Variants in LINGO3 observed in about 807,000 individuals in gnomAD.
LINGO3 encodes leucine-rich repeat and immunoglobulin-like domain-containing nogo receptor-interacting protein 3.
For missense variants in LINGO3, 750 were observed against 867.7 expected (o/e 0.86, Z 1.70); for synonymous variants, 427 against 444.2 (o/e 0.96, Z 0.49).
chr19:2,292,399 C>CAAAAAAAAAAA (rs1156254881), upstream of LINGO3, among the ~76,000 whole-genome samples: 1 of 42,592 alleles, frequency 2.3e-5, no homozygotes, highest in Admixed American at 2.7e-4. Flanking sequence ...AACCCTGTCT[C>CAAAAAAAAAAA]AAAAAAAAAA....
exon 1 of LINGO3, chr19:2,291,406 C>T (rs769458369): frequency 6.2e-7 from 1 of 1,613,408 alleles, no homozygotes; most frequent in Non-Finnish European, 8.5e-7. Flanking sequence ...GTTGTCCAGG[C>T]GCGTGAAGAC....
At chr19:2,288,260 G>A (rs117924443), downstream of LINGO3, among the ~76,000 whole-genome samples, 35 of 152,254 alleles carry the variant, frequency 2.3e-4, no homozygotes, top group East Asian at 6.2e-3. The surrounding 1 kb of genome is among the most constrained non-coding windows in gnomAD (Gnocchi z 6.5). Context: ...ACCTTCTCCC[G>A]AGGACCCGGG....
the LINGO3 span, among the ~76,000 whole-genome samples, chr19:2,297,617 T>C: frequency 6.6e-6 from 1 of 150,412 alleles, no homozygotes; most frequent in African/African-American, 2.4e-5. Flanking sequence ...TTTTTTTTTT[T>C]TTTTGAAATG....
At chr19:2,292,247 G>GT (rs1405372989), upstream of LINGO3, among the ~76,000 whole-genome samples, 1 of 150,030 alleles carries the variant, frequency 6.7e-6, no homozygotes, top group African/African-American at 2.5e-5. Context: ...ATATTGAAAA[G>GT]TTTACCCAGG....
Position 2,290,437 on chromosome 19 carries a change from C to T in LINGO3, c.1340G>A (p.Arg447Gln), listed in dbSNP as rs1304018690. The T allele has an allele frequency of 2.1e-6, 3 of 1,413,344 alleles. No individual in the cohort carries two copies. The highest frequency in any genetic ancestry group is 3.0e-5 in the East Asian group (1 of 33,684). 87.6% of individuals were successfully genotyped at this position (1,413,344 alleles called of 1,614,324 possible). The change falls in exon 1 of 1, where the codon CGG becomes CAG. Residue 447 changes from arginine to glutamine, a missense_variant. Transcript: ENST00000585527. This position sits in a 1 kb window ranked among gnomAD's most constrained non-coding sequence, Gnocchi z 6.0. ...GCCCGCGCTGGTGGCCGTCACCGGCCGGTGCTGGGGGGTCACCCAGGCCAC... is the reference window on the plus strand; with the variant it reads ...GCCCGCGCTGGTGGCCGTCACCGGCTGGTGCTGGGGGGTCACCCAGGCCAC...
chr19:2,296,957 T>C (rs568612695), upstream of LINGO3, among the ~76,000 whole-genome samples: 35 of 151,108 alleles, frequency 2.3e-4, 1 homozygote, highest in South Asian at 5.3e-3. Context: ...CCGGGCGTGG[T>C]GGCGGGCGCC....
downstream of LINGO3, among the ~76,000 whole-genome samples, chr19:2,287,736 G>A (rs1021357305): frequency 2.0e-5 from 3 of 152,234 alleles, no homozygotes; most frequent in African/African-American, 7.2e-5. The surrounding 1 kb of genome is among the most constrained non-coding windows in gnomAD (Gnocchi z 4.5). Flanking sequence ...TCTGAATACA[G>A]GGTAATAGGT....
the LINGO3 span, among the ~76,000 whole-genome samples, chr19:2,306,820 G>T: frequency 6.6e-6 from 1 of 152,096 alleles, no homozygotes; most frequent in Non-Finnish European, 1.5e-5. Flanking sequence ...CAGGAGCTGG[G>T]TCTACAGGGG....
the LINGO3 span, among the ~76,000 whole-genome samples, chr19:2,300,582 C>G: frequency 6.6e-6 from 1 of 152,008 alleles, no homozygotes; most frequent in Non-Finnish European, 1.5e-5. Context: ...CCAGCCCCAT[C>G]CCTGACCTCT....
At chr19:2,289,747 C>A (rs1317978171), downstream of LINGO3, 4 of 355,084 alleles carry the variant, frequency 1.1e-5, no homozygotes, top group Non-Finnish European at 2.0e-5. Context: ...CCCGCACCCC[C>A]ACCCCCCAGC....
the LINGO3 span, among the ~76,000 whole-genome samples, chr19:2,302,173 T>C: frequency 4.7e-5 from 7 of 147,892 alleles, no homozygotes; most frequent in Non-Finnish European, 1.0e-4. Flanking sequence ...GCGATTCTCC[T>C]GCCTCAGTCT....
upstream of LINGO3, among the ~76,000 whole-genome samples, chr19:2,296,758 T>C (rs1219329693): frequency 1.3e-5 from 2 of 150,670 alleles, no homozygotes; most frequent in Admixed American, 1.3e-4. Context: ...ATTACAGGTG[T>C]GAGCCACCGT....
At chr19:2,297,602 CTT>C in the LINGO3 span, among the ~76,000 whole-genome samples, 11 of 130,958 alleles carry the variant, frequency 8.4e-5, no homozygotes, top group Admixed American at 1.6e-4. Flanking sequence ...CGCACCCGGC[CTT>C]TTTTTTTTTT....
chr19:2,295,156 A>G (rs2025562438), upstream of LINGO3, among the ~76,000 whole-genome samples: 1 of 152,202 alleles, frequency 6.6e-6, no homozygotes, highest in East Asian at 1.9e-4. Context: ...CAGGGTTTGT[A>G]TCTTGCAGCT....
At chr19:2,302,344 G>A in the LINGO3 span, among the ~76,000 whole-genome samples, 2 of 152,146 alleles carry the variant, frequency 1.3e-5, no homozygotes, top group Admixed American at 1.3e-4. Context: ...GACAGGCCCT[G>A]AGCCACAATG....
At chr19:2,298,536 ATTTTTTT>A in the LINGO3 span, among the ~76,000 whole-genome samples, 6 of 114,134 alleles carry the variant, frequency 5.3e-5, no homozygotes, top group Non-Finnish European at 9.0e-5. Flanking sequence ...TGGGCCAATA[ATTTTTTT>A]TTTTTTTTTT....
chr19:2,296,196 C>T (rs1025404505), upstream of LINGO3, among the ~76,000 whole-genome samples: 4 of 152,186 alleles, frequency 2.6e-5, no homozygotes, highest in Admixed American at 6.5e-5. Flanking sequence ...AGTGCTAGGG[C>T]GGTGATGGCA....
At chr19:2,308,126 C>T in the LINGO3 span, among the ~76,000 whole-genome samples, 2 of 142,638 alleles carry the variant, frequency 1.4e-5, no homozygotes, top group African/African-American at 2.5e-5. Flanking sequence ...GGGGGCCGCC[C>T]GGAGCCGACA....
chr19:2,293,372 T>G (rs1286793611), upstream of LINGO3, among the ~76,000 whole-genome samples: 5 of 148,716 alleles, frequency 3.4e-5, no homozygotes, highest in African/African-American at 1.2e-4. Flanking sequence ...CCTTTTTTTT[T>G]TTTTGGAGAC....
Sources: gnomAD v4.1 joint callset for allele counts (sites outside exome capture counted in the v4.1 genomes callset) on GRCh38, gnomAD v4.1.1 for gene constraint, Gnocchi (gnomAD v3.1) non-coding constraint, MANE v1.5 for transcripts, NCBI Gene and HGNC (gene_info 2026-07-23, HGNC 2026-07-21) for gene names.